Variants in SIK3 observed in about 807,000 individuals in gnomAD.
SIK3 encodes the protein serine/threonine-protein kinase SIK3.
In SIK3, 28 loss-of-function variants were observed where a neutral mutation model predicts 144.2. That is an observed-to-expected ratio of 0.19 (90% CI 0.14 to 0.27). SIK3 has a LOEUF of 0.27. Ranked by LOEUF, SIK3 falls within the 10% of genes least tolerant of loss-of-function variation. SIK3 has a pLI of 1.00. For synonymous variants in SIK3, 686 were observed against 676.3 expected (o/e 1.01, Z -0.22); for missense variants, 1,319 against 1,776.0 (o/e 0.74, Z 4.62).
chr11:116,850,706 ATC>A lies in SIK3; in HGVS notation c.3656-1425_3656-1424del, dbSNP rs1018302486. Among the ~76,000 whole-genome samples, 118 of 152,326 alleles carry A rather than the reference ATC, an allele frequency of 7.7e-4. 1 individual carries two copies. The highest frequency in any genetic ancestry group is 3.4e-3 in the Middle Eastern group (1 of 294). ...ACATTGTCCTATACCCAGTATTATGATCTCTTTCACTGATGTCAGTAAATGCT... is the reference window on the plus strand; with the variant it reads ...ACATTGTCCTATACCCAGTATTATGATCTTTCACTGATGTCAGTAAATGCT... On this transcript the variant is annotated intron_variant, in intron 21 of 24. Transcript: ENST00000445177.
At chr11:116,945,441 T>C (rs1398577478) in intron 3 of SIK3, among the ~76,000 whole-genome samples, 1 of 146,920 alleles carries the variant, frequency 6.8e-6, no homozygotes, top group Non-Finnish European at 1.5e-5. Context: ...CCCAGGCTGG[T>C]TTCAAACTCC....
intron 11 of SIK3, 128 bp from the exon 12 acceptor site, chr11:116,874,184 T>C (rs1944122378): frequency 1.0e-6 from 1 of 991,154 alleles, no homozygotes; most frequent in East Asian, 2.7e-5. Flanking sequence ...TTTATGTTTC[T>C]CTTTAAGATC....
At position 117,090,964 on chromosome 11, in the gene SIK3, G is replaced by A. The variant is rs141111492; in HGVS notation, c.273+7179C>T. ...ACTTTAATTGGTATAGGTGTATCTC[G>A]CTTCCCCAGTAAAAAAGCAAGTGCT... is the stretch of plus-strand genomic sequence containing the variant. On this transcript the variant is annotated intron_variant, in intron 1 of 24. Transcript: ENST00000445177. Among the ~76,000 whole-genome samples the A allele has an allele frequency of 4.4e-3, 675 of 152,218 alleles. 4 individuals are homozygous for A. The highest frequency in any genetic ancestry group is 7.4e-3 in the Non-Finnish European group (503 of 68,008).
intron 2 of SIK3, among the ~76,000 whole-genome samples, chr11:116,955,376 C>T (rs1949102502): frequency 6.6e-6 from 1 of 152,090 alleles, no homozygotes; most frequent in Admixed American, 6.6e-5. Flanking sequence ...CCAGCCCGGG[C>T]AACAGAGTGA....
At chr11:116,910,934 A>G (rs568768996) in intron 4 of SIK3, among the ~76,000 whole-genome samples, 4 of 152,350 alleles carry the variant, frequency 2.6e-5, no homozygotes, top group African/African-American at 7.2e-5. Context: ...ATGCCAAAGA[A>G]AAAGTGAGGA....
At chr11:116,943,236 A>G (rs779160141) in intron 3 of SIK3, among the ~76,000 whole-genome samples, 8 of 152,142 alleles carry the variant, frequency 5.3e-5, no homozygotes, top group Admixed American at 1.3e-4. Flanking sequence ...CAAAGTGAAG[A>G]AAAAAAGGTA....
chr11:116,953,085 G>A (rs564071440), intron 3 of SIK3, among the ~76,000 whole-genome samples: 3 of 151,692 alleles, frequency 2.0e-5, no homozygotes, highest in East Asian at 3.9e-4. Context: ...AGATCGCTAG[G>A]GAAACTTTAA....
At chr11:116,948,060 G>A (rs573830026) in intron 3 of SIK3, among the ~76,000 whole-genome samples, 11 of 150,006 alleles carry the variant, frequency 7.3e-5, no homozygotes, top group South Asian at 6.4e-4. Flanking sequence ...TCAGCCTCTC[G>A]AGTAGCTGGG....
Position 117,098,416 on chromosome 11 carries a change from CTTG to C in SIK3, c.-4_-2del, listed in dbSNP as rs2134124271. The C allele has an allele frequency of 8.9e-7, 1 of 1,126,204 alleles. No homozygotes were observed. The highest frequency in any genetic ancestry group is 1.1e-6 in the Non-Finnish European group (1 of 923,142). 69.8% of individuals were successfully genotyped at this position (1,126,204 alleles called of 1,614,324 possible). A position where few individuals can be genotyped will look rare whatever the true frequency, so the allele number is the denominator to read the frequency against. ...CTCCGCTCGCCGCCGCCGCCGCCAT[CTTG>C]TTGTGCAGTGAAACCTCCGGGGCCG... is the stretch of plus-strand genomic sequence containing the variant. On this transcript the variant is annotated 5_prime_UTR_variant, in exon 1 of 25. Transcript: ENST00000445177.
chr11:117,057,653 T>A (rs374271378), intron 1 of SIK3, among the ~76,000 whole-genome samples: 2 of 152,304 alleles, frequency 1.3e-5, no homozygotes, highest in South Asian at 4.1e-4. Flanking sequence ...ACAGTTATAC[T>A]CACCATTACA....
At chr11:117,020,209 G>A (rs920046123) in intron 1 of SIK3, among the ~76,000 whole-genome samples, 5 of 108,776 alleles carry the variant, frequency 4.6e-5, no homozygotes, top group East Asian at 2.2e-4. Flanking sequence ...ATCATGGGTC[G>A]CGGTGATATT....
intron 1 of SIK3, among the ~76,000 whole-genome samples, chr11:117,053,233 A>G (rs1953344349): frequency 6.6e-6 from 1 of 151,812 alleles, no homozygotes; most frequent in Non-Finnish European, 1.5e-5. Context: ...GCTACTCAGG[A>G]GGCTGAAGCA....
chr11:116,942,727 G>A (rs1948380743), intron 3 of SIK3, among the ~76,000 whole-genome samples: 1 of 152,180 alleles, frequency 6.6e-6, no homozygotes, highest in Non-Finnish European at 1.5e-5. Flanking sequence ...CACAGCGAAG[G>A]GTTTAATGAA....
intron 4 of SIK3, among the ~76,000 whole-genome samples, chr11:116,914,638 A>G (rs1946526818): frequency 6.6e-6 from 1 of 152,190 alleles, no homozygotes; most frequent in Non-Finnish European, 1.5e-5. Context: ...ATGTAACTAT[A>G]TAATTATAAC....
At chr11:116,963,408 A>G (rs932681797) in intron 1 of SIK3, among the ~76,000 whole-genome samples, 11 of 152,194 alleles carry the variant, frequency 7.2e-5, no homozygotes, top group African/African-American at 2.7e-4. Flanking sequence ...TCAAATTAAA[A>G]ATCAGAAATT....
At chr11:117,035,469 T>C (rs984677513) in intron 1 of SIK3, among the ~76,000 whole-genome samples, 1 of 152,250 alleles carries the variant, frequency 6.6e-6, no homozygotes. Context: ...TGCTATTCCA[T>C]TTTAAAGCTT....
In SIK3 at chr11:116,849,307, G is replaced by A. The variant is rs372325327; in HGVS notation, c.3656-24C>T. ...CTCTGAGGAGACACAGCAGAATAGA[G>A]TCAGTGGGGCGGAACTTCTCCCAGC... is the stretch of plus-strand genomic sequence containing the variant. On this transcript the variant is annotated intron_variant, in intron 21 of 24. Transcript: ENST00000445177. The surrounding 1 kb of genome is among the most constrained non-coding windows in gnomAD (Gnocchi z 4.2). 63 of 1,613,502 alleles carry A rather than the reference G, an allele frequency of 3.9e-5. No homozygotes were observed. Among genetic ancestry groups the A allele is most frequent in the Non-Finnish European group, 5.3e-5 (62 of 1,179,650 alleles).
At chr11:116,980,505 T>C (rs969358935) in intron 1 of SIK3, among the ~76,000 whole-genome samples, 6 of 152,208 alleles carry the variant, frequency 3.9e-5, no homozygotes, top group African/African-American at 1.4e-4. Context: ...AATACTGTAC[T>C]GAAGTATAAT....
intron 1 of SIK3, among the ~76,000 whole-genome samples, chr11:116,963,560 G>A (rs562568330): frequency 6.6e-6 from 1 of 152,274 alleles, no homozygotes; most frequent in South Asian, 2.1e-4. Context: ...TGAAAATAAT[G>A]TTGTGGCATT....
Sources: allele counts gnomAD v4.1 joint callset (sites outside exome capture counted in the v4.1 genomes callset), GRCh38; gene constraint gnomAD v4.1.1; non-coding constraint Gnocchi (gnomAD v3.1); transcripts MANE v1.5; gene names NCBI Gene and HGNC (gene_info 2026-07-23, HGNC 2026-07-21).